NUCB2: variants seen among roughly 807,000 people sequenced by gnomAD.
NUCB2 encodes the protein nucleobindin-2.
NUCB2 carries 48 observed loss-of-function variants against 57.9 expected under a neutral mutation model. The observed-to-expected ratio is 0.83, with a 90% CI of 0.66 to 1.05. The LOEUF is 1.05. NUCB2 is among the 50% of genes least tolerant of loss of function. The probability of loss-of-function intolerance (pLI) is 0.00; values close to 1 mark genes in which losing one functional copy is unlikely to be tolerated. For missense variants in NUCB2, 442 were observed against 476.2 expected (o/e 0.93, Z 0.67); for synonymous variants, 139 against 152.1 (o/e 0.91, Z 0.64).
At chr11:17,292,001 G>A (rs1181729782) in intron 2 of NUCB2, among the ~76,000 whole-genome samples, 3 of 152,024 alleles carry the variant, frequency 2.0e-5, no homozygotes, top group Non-Finnish European at 4.4e-5. Context: ...AATGAATGGT[G>A]TGAATACAAG....
At chr11:17,337,928 C>CCTG (rs1158132166) in intron 2 of NUCB2, among the ~76,000 whole-genome samples, 2 of 152,186 alleles carry the variant, frequency 1.3e-5, no homozygotes, top group African/African-American at 4.8e-5. Context: ...AGCCACTGCG[C>CCTG]CTGGCCTTTT....
At chr11:17,336,536 C>T (rs1202848698), downstream of NUCB2, among the ~76,000 whole-genome samples, 5 of 151,518 alleles carry the variant, frequency 3.3e-5, no homozygotes, top group African/African-American at 1.2e-4. Context: ...GGGCGGATCA[C>T]GAGGTCAGGA....
At chr11:17,283,096 A>T (rs182099066) in intron 2 of NUCB2, among the ~76,000 whole-genome samples, 153 bp downstream of exon 2, 1 of 152,308 alleles carries the variant, frequency 6.6e-6, no homozygotes, top group East Asian at 1.9e-4. Context: ...TTGAAATAGC[A>T]CTCTAGGATG....
chr11:17,290,826 G>T (rs1331846516), intron 2 of NUCB2, among the ~76,000 whole-genome samples: 1 of 152,060 alleles, frequency 6.6e-6, no homozygotes, highest in African/African-American at 2.4e-5. Flanking sequence ...AAGGTGAATA[G>T]TGGTTCATGA....
At chr11:17,345,992 C>T (rs1353227222) in intron 2 of NUCB2, among the ~76,000 whole-genome samples, 2 of 151,520 alleles carry the variant, frequency 1.3e-5, no homozygotes, top group Non-Finnish European at 2.9e-5. Flanking sequence ...TTGTTCTAGT[C>T]GTTGTTTGTA....
At chr11:17,282,117 A>G (rs894778882) in intron 1 of NUCB2, among the ~76,000 whole-genome samples, 1 of 151,664 alleles carries the variant, frequency 6.6e-6, no homozygotes, top group African/African-American at 2.4e-5. Flanking sequence ...TGAAAAAAAT[A>G]AGCTTTTAAT....
intron 11 of NUCB2, among the ~76,000 whole-genome samples, chr11:17,329,671 G>A (rs1310291445): frequency 6.6e-6 from 1 of 152,214 alleles, no homozygotes; most frequent in African/African-American, 2.4e-5. Context: ...GAGAGAGGTG[G>A]CATAGGTGAT....
At chr11:17,299,304 GA>G (rs1946331435) in intron 4 of NUCB2, among the ~76,000 whole-genome samples, 1 of 152,110 alleles carries the variant, frequency 6.6e-6, no homozygotes, top group African/African-American at 2.4e-5. Flanking sequence ...CTGCATTTCT[GA>G]AGTTCCCTGG....
intron 2 of NUCB2, among the ~76,000 whole-genome samples, chr11:17,288,568 T>TTTTTTTTTA (rs1944231994): frequency 6.8e-6 from 1 of 147,094 alleles, no homozygotes; most frequent in African/African-American, 2.5e-5. Context: ...TTTTTTTTTT[T>TTTTTTTTTA]GAGACAGTCT....
chr11:17,326,951 A>G (rs1345427496), intron 11 of NUCB2, among the ~76,000 whole-genome samples: 1 of 152,184 alleles, frequency 6.6e-6, no homozygotes, highest in Non-Finnish European at 1.5e-5. Flanking sequence ...TTTCTCCTTC[A>G]TGCTTAAAGG....
intron 11 of NUCB2, among the ~76,000 whole-genome samples, chr11:17,318,637 A>G (rs921212134): frequency 6.6e-6 from 1 of 152,230 alleles, no homozygotes; most frequent in African/African-American, 2.4e-5. Context: ...AAGTCCCTAA[A>G]GAATGATCCA....
chr11:17,298,671 C>CA (rs113965478), intron 4 of NUCB2, among the ~76,000 whole-genome samples: 57 of 143,410 alleles, frequency 4.0e-4, no homozygotes, highest in African/African-American at 1.3e-3. Context: ...AAAAAACTGA[C>CA]AAAAAAAAAA....
At chr11:17,290,339 T>C (rs530085401) in intron 2 of NUCB2, among the ~76,000 whole-genome samples, 4 of 152,300 alleles carry the variant, frequency 2.6e-5, no homozygotes, top group African/African-American at 7.2e-5. Context: ...TAATAATAAC[T>C]ATAATAAAGT....
chr11:17,337,754 C>CAAGG (rs1488143778), intron 2 of NUCB2, among the ~76,000 whole-genome samples: 1 of 152,132 alleles, frequency 6.6e-6, no homozygotes, highest in African/African-American at 2.4e-5. Flanking sequence ...CTGCCTCAGC[C>CAAGG]TCCCAAGTAG....
chr11:17,295,224 C>T, intron 2 of NUCB2, 100 bp from the exon 3 acceptor site: 25 of 1,061,722 alleles, frequency 2.4e-5, no homozygotes, highest in South Asian at 9.4e-5. Context: ...TTTATTAAAC[C>T]TCTTGAGATT....
At chr11:17,292,012 C>T (rs781203662) in intron 2 of NUCB2, among the ~76,000 whole-genome samples, 2 of 152,020 alleles carry the variant, frequency 1.3e-5, no homozygotes, top group African/African-American at 4.8e-5. Context: ...TGAATACAAG[C>T]AGCTTTTCTT....
At chr11:17,282,259 T>TCTATCTATC (rs1555062027) in intron 1 of NUCB2, among the ~76,000 whole-genome samples, 22 of 73,044 alleles carry the variant, frequency 3.0e-4, no homozygotes, top group Non-Finnish European at 3.7e-4. Flanking sequence ...TATATATATA[T>TCTATCTATC]TTTTTTTTTT....
At chr11:17,303,078 G>A (rs977620296) in intron 5 of NUCB2, among the ~76,000 whole-genome samples, 1 of 152,048 alleles carries the variant, frequency 6.6e-6, no homozygotes, top group South Asian at 2.1e-4. Context: ...ATATGGTCTT[G>A]CTGTGTTGCC....
intron 2 of NUCB2, among the ~76,000 whole-genome samples, chr11:17,284,995 T>G (rs545820262): frequency 6.8e-6 from 1 of 147,516 alleles, no homozygotes; most frequent in African/African-American, 2.6e-5. Flanking sequence ...TTTAGTTTTG[T>G]TTTTAGAAAC....
Sources: allele counts gnomAD v4.1 joint callset (sites outside exome capture counted in the v4.1 genomes callset), GRCh38; gene constraint gnomAD v4.1.1; transcripts MANE v1.5; gene names NCBI Gene and HGNC (gene_info 2026-07-23, HGNC 2026-07-21).